Variants in CMIP observed in about 807,000 individuals in gnomAD.
The protein encoded by CMIP is C-Maf-inducing protein.
Under a neutral mutation model 97.3 loss-of-function variants are expected in CMIP, and 13 were observed. That is an observed-to-expected ratio of 0.13 (90% confidence interval 0.09 to 0.21). The LOEUF is 0.21. CMIP is among the 10% of genes least tolerant of loss of function. The pLI, the probability that CMIP is intolerant of heterozygous loss-of-function variation, is 1.00. For missense variants in CMIP, 847 were observed against 1,024.9 expected (o/e 0.83, Z 2.37); for synonymous variants, 538 against 436.3 (o/e 1.23, Z -2.91).
intron 1 of CMIP, among the ~76,000 whole-genome samples, chr16:81,510,099 T>C (rs1302414939): frequency 2.0e-5 from 3 of 152,256 alleles, no homozygotes; most frequent in South Asian, 2.1e-4. Flanking sequence ...CTGCTCACTT[T>C]GGCTGTGACT....
intron 1 of CMIP, among the ~76,000 whole-genome samples, chr16:81,531,268 G>C (rs1597513528): frequency 6.6e-6 from 1 of 152,174 alleles, no homozygotes; most frequent in African/African-American, 2.4e-5. Flanking sequence ...GCCAAGGAAT[G>C]CCAAGGATTT....
chr16:81,690,958 A>T (rs888114773), intron 10 of CMIP, among the ~76,000 whole-genome samples: 3 of 152,164 alleles, frequency 2.0e-5, no homozygotes, highest in Non-Finnish European at 4.4e-5. Flanking sequence ...AAAAAGAAAA[A>T]AAAGGGATCC....
chr16:81,607,307 C>G, intron 1 of CMIP, among the ~76,000 whole-genome samples: 1 of 152,322 alleles, frequency 6.6e-6, no homozygotes, highest in East Asian at 1.9e-4. Flanking sequence ...TCAGTTCTTG[C>G]CCTCCAGCTG....
intron 1 of CMIP, chr16:81,603,528 T>A: frequency 2.2e-6 from 1 of 445,126 alleles, no homozygotes; most frequent in South Asian, 1.6e-5. Flanking sequence ...TTGTCACAAC[T>A]TGTGAACCAA....
intron 6 of CMIP, among the ~76,000 whole-genome samples, 169 bp downstream of exon 6, chr16:81,661,115 C>T (rs898790841): frequency 4.6e-5 from 7 of 152,262 alleles, no homozygotes; most frequent in African/African-American, 1.7e-4. Flanking sequence ...CTTAGGGCTA[C>T]ACCCACGTCT....
intron 1 of CMIP, among the ~76,000 whole-genome samples, chr16:81,505,952 G>A (rs1298486359): frequency 6.6e-6 from 1 of 152,206 alleles, no homozygotes; most frequent in Non-Finnish European, 1.5e-5. Flanking sequence ...CCTAGATTGT[G>A]CCATTGCACT....
At chr16:81,476,077 C>T in intron 1 of CMIP, 4 of 751,382 alleles carry the variant, frequency 5.3e-6, no homozygotes, top group South Asian at 4.0e-5. Context: ...TCTTGCCATT[C>T]CTGGACCCAA....
chr16:81,696,574 G>T lies in CMIP; in HGVS notation c.1545G>T (p.Leu515=). The change falls in exon 14 of 21, where the codon CTG becomes CTT. Residue 515 remains leucine (L), a synonymous_variant. Transcript: ENST00000537098. ...TTGTCTGGCAGGTCCACTCATGCCTGCTGAGCGTGCGGGCCGGCAAAGATG... is the reference window on the plus strand; with the variant it reads ...TTGTCTGGCAGGTCCACTCATGCCTTCTGAGCGTGCGGGCCGGCAAAGATG... The part of the protein sequence containing the change: ...EDPRQEVHSC[L]LSVRAGKDGW... The T allele has an allele frequency of 6.2e-7, 1 of 1,605,122 alleles. No homozygotes were observed.
chr16:81,458,149 A>C (rs981212588), intron 1 of CMIP, among the ~76,000 whole-genome samples: 5 of 152,148 alleles, frequency 3.3e-5, no homozygotes, highest in Non-Finnish European at 5.9e-5. Context: ...GAGATGAGGA[A>C]GTGGGGAGGA....
At chr16:81,623,032 A>G (rs2092013474) in intron 3 of CMIP, among the ~76,000 whole-genome samples, 1 of 152,200 alleles carries the variant, frequency 6.6e-6, no homozygotes, top group African/African-American at 2.4e-5. Flanking sequence ...GCAAAATGCC[A>G]TCTGTACCAA....
chr16:81,494,318 C>T (rs2089452873), intron 1 of CMIP, among the ~76,000 whole-genome samples: 1 of 152,214 alleles, frequency 6.6e-6, no homozygotes, highest in African/African-American at 2.4e-5. Flanking sequence ...GCAGGTGTTT[C>T]CAGGCATGTG....
intron 13 of CMIP, among the ~76,000 whole-genome samples, chr16:81,694,705 C>T (rs566567391): frequency 9.8e-5 from 15 of 152,324 alleles, no homozygotes; most frequent in Middle Eastern, 3.4e-3. Context: ...TGGAGCCAAG[C>T]ATATGCGTTT....
At chr16:81,702,500 C>T (rs1907532117) in intron 16 of CMIP, 122 bp from the exon 17 acceptor site, 9 of 994,502 alleles carry the variant, frequency 9.0e-6, no homozygotes, top group East Asian at 5.2e-5. Context: ...CCAAGACCAC[C>T]GTGTTGCCTT....
At chr16:81,708,597 A>G (rs1213454525) in intron 20 of CMIP, among the ~76,000 whole-genome samples, 1 of 152,040 alleles carries the variant, frequency 6.6e-6, no homozygotes, top group Non-Finnish European at 1.5e-5. Context: ...TGTGGAGGGG[A>G]CTCGAGCAAA....
chr16:81,465,184 C>T (rs1490155479), intron 1 of CMIP, among the ~76,000 whole-genome samples: 4 of 152,176 alleles, frequency 2.6e-5, no homozygotes, highest in African/African-American at 4.8e-5. Context: ...AAACCAAATC[C>T]ACCTAGAATG....
rs1041900106 is a variant in CMIP at position 81,614,628 on chromosome 16, A to G, written c.427-6248A>G. On this transcript the variant is annotated intron_variant, in intron 2 of 20. Transcript: ENST00000537098. This position sits in a 1 kb window ranked among gnomAD's most constrained non-coding sequence, Gnocchi z 5.3. ...CATGGTAGATTCCAAAACTACCTGCACAGTCCTGCGTGTGGGACTGTGGTG... is the reference window on the plus strand; with the variant it reads ...CATGGTAGATTCCAAAACTACCTGCGCAGTCCTGCGTGTGGGACTGTGGTG... Among the ~76,000 whole-genome samples, 20 of 152,024 alleles carry G rather than the reference A, an allele frequency of 1.3e-4. No individual in the cohort carries two copies. Among genetic ancestry groups the G allele is most frequent in the Non-Finnish European group, 2.8e-4 (19 of 68,016 alleles).
At chr16:81,503,410 A>C (rs1420538401) in intron 1 of CMIP, among the ~76,000 whole-genome samples, 2 of 151,814 alleles carry the variant, frequency 1.3e-5, no homozygotes, top group African/African-American at 2.4e-5. Flanking sequence ...TTTAATTTTT[A>C]TTTTTTGAGG....
At chr16:81,523,211 C>T (rs7200107) in intron 1 of CMIP, among the ~76,000 whole-genome samples, 493 of 152,314 alleles carry the variant, frequency 3.2e-3, no homozygotes, top group African/African-American at 7.2e-3. Context: ...TGAGCTACCG[C>T]GCTTTGCTTT....
rs145947063 is a variant in CMIP at position 81,709,690 on chromosome 16, C to T, written c.2269-56C>T. ...CAATGCGGGTGGAGCCAGGCACTGG[C>T]AGCTTCTGCAAGGGAATGGCCTACA... On this transcript the variant is annotated intron_variant, in intron 20 of 20. Transcript: ENST00000537098. 233 of 1,596,688 alleles carry T rather than the reference C, an allele frequency of 1.5e-4. 1 individual carries two copies. The East Asian group carries it at 4.7e-3, about 32-fold the overall frequency.
Sources: gnomAD v4.1 joint callset for allele counts (sites outside exome capture counted in the v4.1 genomes callset) on GRCh38, gnomAD v4.1.1 for gene constraint, Gnocchi (gnomAD v3.1) non-coding constraint, MANE v1.5 for transcripts, NCBI Gene and HGNC (gene_info 2026-07-23, HGNC 2026-07-21) for gene names.